CACNA2D1: variants seen among roughly 807,000 people sequenced by gnomAD.
CACNA2D1 encodes the protein calcium voltage-gated channel auxiliary subunit alpha2delta 1, also known as voltage-dependent calcium channel subunit alpha-2/delta-1.
In CACNA2D1, 53 loss-of-function variants were observed where a neutral mutation model predicts 171.5. The ratio of observed to expected loss-of-function variants is 0.31; its 90% CI spans 0.25 to 0.39. The LOEUF (loss-of-function observed/expected upper bound fraction) is 0.39, where lower values mean the gene tolerates loss of function less well. Among genes scored for constraint, CACNA2D1 ranks in the 10% least tolerant of loss-of-function variants. CACNA2D1 has a pLI of 1.00. For synonymous variants in CACNA2D1, 442 were observed against 443.1 expected, an observed-to-expected ratio of 1.00 and a Z score of 0.03; for missense variants, 903 against 1,299.8, an observed-to-expected ratio of 0.69 and a Z score of 4.69.
intron 6 of CACNA2D1, 40 bp from the exon 7 acceptor site, chr7:82,084,940 G>A (rs1810269592): frequency 7.2e-6 from 11 of 1,518,302 alleles, no homozygotes; most frequent in South Asian, 4.5e-5. Context: ...ATTCAAATTT[G>A]TAATTAAAAA....
intron 6 of CACNA2D1, among the ~76,000 whole-genome samples, chr7:82,095,599 T>A (rs1489174805): frequency 2.0e-5 from 3 of 152,208 alleles, no homozygotes; most frequent in African/African-American, 7.2e-5. Context: ...TATGCTATAC[T>A]TAACGTATAA....
intron 1 of CACNA2D1, among the ~76,000 whole-genome samples, chr7:82,364,008 C>A (rs11772225): frequency 0.037 from 5,639 of 152,174 alleles, 154 homozygotes; most frequent in Middle Eastern, 0.078. Context: ...CCGAGGTGGA[C>A]AGATTGCTTG....
intron 3 of CACNA2D1, among the ~76,000 whole-genome samples, chr7:82,217,730 G>T (rs1801306569): frequency 6.7e-6 from 1 of 149,934 alleles, no homozygotes; most frequent in South Asian, 2.1e-4. Flanking sequence ...TAAATTTAAG[G>T]TTATTAAAAT....
intron 3 of CACNA2D1, among the ~76,000 whole-genome samples, chr7:82,198,127 T>G (rs547971235): frequency 6.6e-6 from 1 of 152,190 alleles, no homozygotes; most frequent in East Asian, 1.9e-4. Context: ...ATAGATGTTA[T>G]TTGCTGTAAA....
At chr7:82,012,029 G>A (rs1799845936) in intron 15 of CACNA2D1, 125 bp downstream of exon 15, 1 of 713,944 alleles carries the variant, frequency 1.4e-6, no homozygotes, top group Non-Finnish European at 2.6e-6. Flanking sequence ...AAAGAAGTCT[G>A]TGATAGAAGA....
chr7:82,355,783 CCTTA>C (rs957586724), intron 1 of CACNA2D1, among the ~76,000 whole-genome samples: 1 of 152,002 alleles, frequency 6.6e-6, no homozygotes, highest in African/African-American at 2.4e-5. Context: ...CATTCTCCTT[CCTTA>C]CTTCTCTTTT....
At chr7:82,281,325 C>G (rs983812491) in intron 3 of CACNA2D1, among the ~76,000 whole-genome samples, 3 of 152,170 alleles carry the variant, frequency 2.0e-5, no homozygotes, top group Non-Finnish European at 2.9e-5. Flanking sequence ...GTCATTGTGT[C>G]GAGAGACGCA....
At chr7:82,186,754 T>C (rs1288282975) in intron 3 of CACNA2D1, among the ~76,000 whole-genome samples, 1 of 152,152 alleles carries the variant, frequency 6.6e-6, no homozygotes, top group Non-Finnish European at 1.5e-5. Flanking sequence ...GCAATTATAA[T>C]AGCAAACATG....
chr7:82,243,759 A>C (rs10954670), intron 3 of CACNA2D1, among the ~76,000 whole-genome samples: 62,844 of 152,064 alleles, frequency 0.41, 13,461 homozygotes, highest in African/African-American at 0.53. Flanking sequence ...TAGTTTTCTT[A>C]CTACATGTAG....
chr7:82,151,446 T>C (rs1793844736), intron 4 of CACNA2D1, among the ~76,000 whole-genome samples: 1 of 152,118 alleles, frequency 6.6e-6, no homozygotes, highest in African/African-American at 2.4e-5. Context: ...GGTGCAATTC[T>C]TAGTCCATGG....
chr7:82,251,711 T>C (rs1038841093), intron 3 of CACNA2D1, among the ~76,000 whole-genome samples: 1 of 152,180 alleles, frequency 6.6e-6, no homozygotes, highest in Middle Eastern at 3.2e-3. Flanking sequence ...ACATTGAAAA[T>C]CTTTTTCCAG....
chr7:82,238,665 T>G (rs1289558538), intron 3 of CACNA2D1, among the ~76,000 whole-genome samples: 5 of 152,120 alleles, frequency 3.3e-5, no homozygotes, highest in Admixed American at 6.5e-5. Context: ...AACTGATCTA[T>G]TTGCAAGAAG....
chr7:82,215,235 T>G (rs1470161816), intron 3 of CACNA2D1, among the ~76,000 whole-genome samples: 1 of 152,206 alleles, frequency 6.6e-6, no homozygotes, highest in Non-Finnish European at 1.5e-5. Context: ...CCTGTTTTCT[T>G]ACATATTGGT....
chr7:82,194,932 T>A (rs1798700762), intron 3 of CACNA2D1, among the ~76,000 whole-genome samples: 2 of 151,958 alleles, frequency 1.3e-5, no homozygotes, highest in Admixed American at 1.3e-4. Flanking sequence ...AGACTGAGAT[T>A]CCAAGTAGTC....
chr7:82,184,564 T>C (rs1425933861), intron 3 of CACNA2D1, among the ~76,000 whole-genome samples: 2 of 152,178 alleles, frequency 1.3e-5, no homozygotes, highest in East Asian at 1.9e-4. Context: ...TCAAAGATTC[T>C]TTCAATAATT....
intron 1 of CACNA2D1, among the ~76,000 whole-genome samples, chr7:82,352,625 G>A (rs1819983903): frequency 6.6e-6 from 1 of 152,154 alleles, no homozygotes; most frequent in Non-Finnish European, 1.5e-5. Context: ...CTGGGAGGAA[G>A]AGAGAAAACA....
At chr7:82,039,401 C>G (rs3779452) in intron 10 of CACNA2D1, among the ~76,000 whole-genome samples, 1 of 151,994 alleles carries the variant, frequency 6.6e-6, no homozygotes, top group Non-Finnish European at 1.5e-5. Context: ...ACATAATTAT[C>G]TGCACACACA....
chr7:82,371,410 A>C (rs572142254), intron 1 of CACNA2D1, among the ~76,000 whole-genome samples: 9 of 152,294 alleles, frequency 5.9e-5, no homozygotes, highest in African/African-American at 1.9e-4. Flanking sequence ...AGGTTTTTGT[A>C]AGGATTAAAA....
chr7:82,212,588 T>C (rs1800674520), intron 3 of CACNA2D1, among the ~76,000 whole-genome samples: 1 of 152,220 alleles, frequency 6.6e-6, no homozygotes, highest in Non-Finnish European at 1.5e-5. Context: ...TCACAGAGAA[T>C]AGCAGAGTCA....
Sources: allele counts gnomAD v4.1 joint callset (sites outside exome capture counted in the v4.1 genomes callset), GRCh38; gene constraint gnomAD v4.1.1; transcripts MANE v1.5; gene names NCBI Gene and HGNC (gene_info 2026-07-23, HGNC 2026-07-21).